The following EIF5A2 variants were observed in gnomAD, a reference collection of about 807,000 sequenced individuals.
EIF5A2 encodes the protein eukaryotic translation initiation factor 5A-2.
A neutral mutation model predicts 16.4 loss-of-function variants in EIF5A2; 15 were observed. The ratio of observed to expected loss-of-function variants is 0.92; its 90% confidence interval spans 0.61 to 1.41. EIF5A2 has a LOEUF of 1.41. EIF5A2 is among the 40% of genes most tolerant of loss of function. The pLI, the probability that EIF5A2 is intolerant of heterozygous loss-of-function variation, is 0.00. For synonymous variants in EIF5A2, 48 were observed against 61.1 expected (o/e 0.79, Z 1.00); for missense variants, 144 against 189.5 (o/e 0.76, Z 1.41).
intron 4 of EIF5A2, 35 bp from the exon 5 acceptor site, chr3:170,893,454 A>G (rs1040517640): frequency 1.2e-6 from 2 of 1,605,002 alleles, no homozygotes; most frequent in Middle Eastern, 1.7e-4. Flanking sequence ...CGTTATTCAG[A>G]AGACAATACA....
chr3:170,893,842 G>C (rs749259681), intron 4 of EIF5A2, among the ~76,000 whole-genome samples: 1 of 152,146 alleles, frequency 6.6e-6, no homozygotes, highest in Non-Finnish European at 1.5e-5. Context: ...AAACCAGCTT[G>C]GCCAACATGC....
chr3:170,894,164 A>C, intron 4 of EIF5A2, 128 bp downstream of exon 4: 1 of 1,060,362 alleles, frequency 9.4e-7, no homozygotes, highest in Non-Finnish European at 1.3e-6. Context: ...AACCTGCCTG[A>C]GAGATCATTT....
In EIF5A2 at chr3:170,907,090, G is replaced by T; in HGVS notation, c.169C>A (p.His57Asn). 1 of 1,607,930 alleles carries T rather than the reference G, an allele frequency of 6.2e-7. No homozygotes were observed. Among genetic ancestry groups the T allele is most frequent in the Non-Finnish European group, 8.5e-7 (1 of 1,175,738 alleles). ...KTGKHGHAKV[H>N]LVGIDIFTGK... is the part of the protein sequence containing the mutation. ...GTGAAAATATCAATTCCAACAAGGT[G>T]AACCTAACAGAGGAGAACAGGAAAC... Residue 57 changes from histidine to asparagine, a missense_variant, in exon 3 of 5, where the codon CAC becomes AAC. His to Asn is a moderately conservative substitution (Grantham distance 68). Coordinates refer to ENST00000295822, the MANE Select transcript of EIF5A2 (RefSeq NM_020390.6).
At chr3:170,907,557 T>A in intron 2 of EIF5A2, 85 bp downstream of exon 2, 4 of 1,378,836 alleles carry the variant, frequency 2.9e-6, no homozygotes. Context: ...AAATTTTAAG[T>A]ATAGAAATCT....
intron 4 of EIF5A2, among the ~76,000 whole-genome samples, chr3:170,893,823 AG>A (rs1560008983): frequency 6.6e-6 from 1 of 152,218 alleles, no homozygotes; most frequent in African/African-American, 2.4e-5. Context: ...ACCTGAGGTC[AG>A]GAGTTCAAAA....
chr3:170,906,007 C>G (rs895830161), intron 3 of EIF5A2, among the ~76,000 whole-genome samples: 8 of 151,816 alleles, frequency 5.3e-5, no homozygotes, highest in Admixed American at 2.0e-4. Context: ...AGATTAAAAC[C>G]ACAAAAAAGT....
intron 3 of EIF5A2, among the ~76,000 whole-genome samples, chr3:170,901,824 A>G (rs971214844): frequency 1.8e-4 from 27 of 152,214 alleles, no homozygotes; most frequent in African/African-American, 6.3e-4. Context: ...GGTAACACCT[A>G]TTCCTTTTTA....
intron 3 of EIF5A2, among the ~76,000 whole-genome samples, chr3:170,905,569 G>A (rs544320922): frequency 2.3e-4 from 35 of 152,308 alleles, no homozygotes; most frequent in African/African-American, 7.5e-4. Context: ...TTAGCCTGCT[G>A]TACTATCTCT....
At chr3:170,899,435 T>G (rs1187925653) in intron 3 of EIF5A2, among the ~76,000 whole-genome samples, 1 of 152,082 alleles carries the variant, frequency 6.6e-6, no homozygotes, top group African/African-American at 2.4e-5. Flanking sequence ...TTTTATTTTT[T>G]GTAGATACAG....
Position 170,888,774 on chromosome 3 carries a change from A to T in EIF5A2, c.*4586T>A, listed in dbSNP as rs988133269. On this transcript the variant is annotated 3_prime_UTR_variant, in exon 5 of 5. Transcript: ENST00000295822. Reference sequence around the variant, plus strand: ...GGGGAGGAAGACAAAAGTACATAACAGTATAGAACTAGTCATTTTCATTAT... The same window carrying T: ...GGGGAGGAAGACAAAAGTACATAACTGTATAGAACTAGTCATTTTCATTAT... 13 of 152,562 alleles carry T rather than the reference A, an allele frequency of 8.5e-5. No homozygotes were observed. The highest frequency in any genetic ancestry group is 2.9e-4 in the African/African-American group (12 of 41,444). The allele number at this position is 152,562 out of a possible 1,614,324, so 9.5% of individuals were successfully genotyped here. A position where few individuals can be genotyped will look rare whatever the true frequency, so the allele number is the denominator to read the frequency against.
chr3:170,894,231 T>C (rs1242735686), intron 4 of EIF5A2, 61 bp downstream of exon 4: 8 of 1,559,488 alleles, frequency 5.1e-6, no homozygotes, highest in African/African-American at 1.4e-5. Flanking sequence ...TTATGTTAAC[T>C]AGTTGAGGTC....
Position 170,891,610 on chromosome 3 carries a change from T to C in EIF5A2, c.*1750A>G, listed in dbSNP as rs1207815119. The C allele has an allele frequency of 6.6e-6, 1 of 152,626 alleles. No individual in the cohort carries two copies. The highest frequency in any genetic ancestry group is 2.4e-5 in the African/African-American group (1 of 41,472). The allele number at this position is 152,626 out of a possible 1,614,324, so 9.5% of individuals were successfully genotyped here. ...ATCAGTTACATCATCATATATGATA[T>C]ACTTTCCTTTAGAAGATAGGAACAA... On this transcript the variant is annotated 3_prime_UTR_variant, in exon 5 of 5. Coordinates refer to ENST00000295822, the MANE Select transcript of EIF5A2 (RefSeq NM_020390.6).
At chr3:170,894,504 G>T in intron 3 of EIF5A2, 81 bp from the exon 4 acceptor site, 1 of 1,256,366 alleles carries the variant, frequency 8.0e-7, no homozygotes, top group South Asian at 1.4e-5. Context: ...AATTGCAATT[G>T]ATATTAATTC....
chr3:170,906,066 G>A (rs952651977), intron 3 of EIF5A2, among the ~76,000 whole-genome samples: 5 of 152,176 alleles, frequency 3.3e-5, no homozygotes, highest in African/African-American at 1.2e-4. Flanking sequence ...CGTAAGTGCA[G>A]TTGATAGCAA....
intron 1 of EIF5A2, among the ~76,000 whole-genome samples, 180 bp downstream of exon 1, chr3:170,908,363 G>C (rs1453931265): frequency 6.6e-6 from 1 of 152,178 alleles, no homozygotes; most frequent in African/African-American, 2.4e-5. Context: ...GCTCAGCTCG[G>C]CCCGGCCCGG....
Position 170,891,636 on chromosome 3 carries a change from AG to A in EIF5A2, c.*1723del, listed in dbSNP as rs1205542467. 1.3e-5 allele frequency: 2 copies of A among 152,606 alleles called. No individual in the cohort carries two copies. Among genetic ancestry groups the A allele is most frequent in the Non-Finnish European group, 2.9e-5 (2 of 68,034 alleles). 9.5% of individuals were successfully genotyped at this position (152,606 alleles called of 1,614,324 possible). A position where few individuals can be genotyped will look rare whatever the true frequency, so the allele number is the denominator to read the frequency against. Reference sequence around the variant, plus strand: ...ACTTTCCTTTAGAAGATAGGAACAAAGGGCTTTTTAGAGGTCAAGGCATGAT... The same window carrying A: ...ACTTTCCTTTAGAAGATAGGAACAAAGGCTTTTTAGAGGTCAAGGCATGAT... On this transcript the variant is annotated 3_prime_UTR_variant, in exon 5 of 5. Transcript: ENST00000295822.
chr3:170,894,755 G>A (rs554137020), intron 3 of EIF5A2, among the ~76,000 whole-genome samples: 27 of 150,548 alleles, frequency 1.8e-4, no homozygotes, highest in Admixed American at 5.3e-4. Context: ...GGCCAAGTGC[G>A]GTGGCTCACG....
chr3:170,893,549 C>G, intron 4 of EIF5A2, 130 bp from the exon 5 acceptor site: 1 of 899,446 alleles, frequency 1.1e-6, no homozygotes, highest in Non-Finnish European at 1.6e-6. Flanking sequence ...TATTCCAAAA[C>G]AAGCTACTTT....
At chr3:170,895,403 T>A (rs1322808799) in intron 3 of EIF5A2, among the ~76,000 whole-genome samples, 2 of 152,136 alleles carry the variant, frequency 1.3e-5, no homozygotes, top group African/African-American at 4.8e-5. Context: ...CTGAACTTCT[T>A]TTACTACAGG....
Sources: allele counts gnomAD v4.1 joint callset (sites outside exome capture counted in the v4.1 genomes callset), GRCh38; gene constraint gnomAD v4.1.1; transcripts MANE v1.5; gene names NCBI Gene and HGNC (gene_info 2026-07-23, HGNC 2026-07-21).